Variants in NFYA observed in about 807,000 individuals in gnomAD.
NFYA encodes CAAT-box DNA binding protein subunit A.
In NFYA, 28 loss-of-function variants were observed where a neutral mutation model predicts 52.8. The ratio of observed to expected loss-of-function variants is 0.53; its 90% CI spans 0.39 to 0.73. The LOEUF is 0.73. Ranked by LOEUF, NFYA falls within the 30% of genes least tolerant of loss-of-function variation. The probability of loss-of-function intolerance (pLI) is 0.00; values close to 1 mark genes in which losing one functional copy is unlikely to be tolerated. For synonymous variants in NFYA, 150 were observed against 150.7 expected (o/e 1.00, Z 0.03); for missense variants, 234 against 427.0 (o/e 0.55, Z 3.98).
At position 41,098,036 on chromosome 6, in the gene NFYA, G is replaced by A. The variant is rs1482114030; in HGVS notation, c.*626G>A. ...TCTAGCCAAGAAAAAGCTAATTCTG[G>A]GGATAGAATGATAAAAGACTCAAGC... On this transcript the variant is annotated 3_prime_UTR_variant, in exon 10 of 10. Transcript: ENST00000341376. 1 of 152,690 alleles carries A rather than the reference G, an allele frequency of 6.5e-6. No homozygotes were observed. The highest frequency in any genetic ancestry group is 1.5e-5 in the Non-Finnish European group (1 of 68,084). The allele number at this position is 152,690 out of a possible 1,614,324, so 9.5% of individuals were successfully genotyped here.
intron 3 of NFYA, among the ~76,000 whole-genome samples, chr6:41,082,405 C>T (rs1763934410): frequency 6.6e-6 from 1 of 152,226 alleles, no homozygotes; most frequent in African/African-American, 2.4e-5. Flanking sequence ...GTAACATGCT[C>T]TTAACTGTAT....
At chr6:41,085,047 C>A (rs1451928300) in intron 4 of NFYA, among the ~76,000 whole-genome samples, 1 of 151,502 alleles carries the variant, frequency 6.6e-6, no homozygotes, top group Non-Finnish European at 1.5e-5. Flanking sequence ...TATTTCTCAT[C>A]GAGATGGCAA....
rs1254592473 is a variant in NFYA, at chr6:41,096,619, A to C, written c.991-738A>C. On this transcript the variant is annotated intron_variant, in intron 9 of 9. Coordinates refer to ENST00000341376, the MANE Select transcript of NFYA (RefSeq NM_002505.5). Reference sequence around the variant, plus strand: ...CCAGTTCCAGTCTTCCATCTCCAGAAGGCTTTCAGCTTTTTCTCAGATCCT... The same window carrying C: ...CCAGTTCCAGTCTTCCATCTCCAGACGGCTTTCAGCTTTTTCTCAGATCCT... Among the ~76,000 whole-genome samples, 8 of 152,334 alleles carry C rather than the reference A, an allele frequency of 5.3e-5. No homozygotes were observed. The East Asian group carries it at 1.3e-3, about 26-fold the overall frequency.
rs1446231384 is a variant in NFYA at position 41,097,780 on chromosome 6, A to G, written c.*370A>G. The G allele has an allele frequency of 5.2e-6, 1 of 192,822 alleles. No homozygotes were observed. Among genetic ancestry groups the G allele is most frequent in the East Asian group, 1.4e-4 (1 of 7,288 alleles). 11.9% of individuals were successfully genotyped at this position (192,822 alleles called of 1,614,324 possible). ...AACCTTCTCAACCAAAACTGCAATCAGGAAAGCAGCAGCCCACTCCTTCCC... is the reference window on the plus strand; with the variant it reads ...AACCTTCTCAACCAAAACTGCAATCGGGAAAGCAGCAGCCCACTCCTTCCC... On this transcript the variant is annotated 3_prime_UTR_variant, in exon 10 of 10. Coordinates refer to ENST00000341376, the MANE Select transcript of NFYA (RefSeq NM_002505.5).
intron 8 of NFYA, among the ~76,000 whole-genome samples, chr6:41,094,181 A>G (rs777335832): frequency 6.6e-6 from 1 of 152,186 alleles, no homozygotes; most frequent in Non-Finnish European, 1.5e-5. Flanking sequence ...AATTCATACT[A>G]TAAGCATTCA....
intron 7 of NFYA, 89 bp downstream of exon 7, chr6:41,091,783 G>A (rs1582034782): frequency 6.9e-7 from 1 of 1,452,738 alleles, no homozygotes; most frequent in East Asian, 2.3e-5. Flanking sequence ...TTGACCTCTT[G>A]GGATTGAGAT....
chr6:41,073,239 G>A (rs571283013), intron 1 of NFYA, among the ~76,000 whole-genome samples, 155 bp downstream of exon 1: 1 of 151,274 alleles, frequency 6.6e-6, no homozygotes, highest in African/African-American at 2.4e-5. Flanking sequence ...GCCCCGGCCC[G>A]GGGCCTGCGA....
At chr6:41,079,363 T>G (rs1181846718) in intron 2 of NFYA, among the ~76,000 whole-genome samples, 199 bp downstream of exon 2, 1 of 152,250 alleles carries the variant, frequency 6.6e-6, no homozygotes, top group Non-Finnish European at 1.5e-5. Context: ...CTGGTTATAG[T>G]AAATTGCCTC....
At chr6:41,091,453 A>T in intron 6 of NFYA, 75 bp from the exon 7 acceptor site, 1 of 1,443,396 alleles carries the variant, frequency 6.9e-7, no homozygotes, top group African/African-American at 1.4e-5. Context: ...CAGATAGAAG[A>T]GGGACTAACT....
Position 41,098,713 on chromosome 6 carries a change from T to G in NFYA, c.*1303T>G, listed in dbSNP as rs1325640871. The G allele has an allele frequency of 6.5e-6, 1 of 152,698 alleles. No homozygotes were observed. The highest frequency in any genetic ancestry group is 1.5e-5 in the Non-Finnish European group (1 of 68,076). The allele number at this position is 152,698 out of a possible 1,614,324, so 9.5% of individuals were successfully genotyped here. ...GCTGATTCTTTGGTGCCAGTTTTCA[T>G]GTTTTCTCCATAGGCCTTGTGCAGA... On this transcript the variant is annotated 3_prime_UTR_variant, in exon 10 of 10. Transcript: ENST00000341376.
At chr6:41,089,374 A>G (rs1764137362) in intron 4 of NFYA, among the ~76,000 whole-genome samples, 1 of 152,238 alleles carries the variant, frequency 6.6e-6, no homozygotes, top group Non-Finnish European at 1.5e-5. Flanking sequence ...TGTTAATATC[A>G]GGTATCCAGA....
At chr6:41,076,403 G>C (rs1487866995) in intron 1 of NFYA, among the ~76,000 whole-genome samples, 21 of 152,208 alleles carry the variant, frequency 1.4e-4, no homozygotes, top group Admixed American at 1.0e-3. Flanking sequence ...GGTCAAAAAA[G>C]TTAAAAAGCT....
At chr6:41,084,215 G>T in intron 4 of NFYA, 23 bp downstream of exon 4, 2 of 1,612,290 alleles carry the variant, frequency 1.2e-6, no homozygotes, top group Middle Eastern at 3.3e-4. Flanking sequence ...TAAAAATATT[G>T]AGCAGTATAT....
intron 4 of NFYA, among the ~76,000 whole-genome samples, chr6:41,087,553 A>G (rs1764081312): frequency 6.6e-6 from 1 of 152,224 alleles, no homozygotes; most frequent in Non-Finnish European, 1.5e-5. Context: ...CAATGCTCAA[A>G]TAAAAAAAGT....
intron 9 of NFYA, among the ~76,000 whole-genome samples, 198 bp downstream of exon 9, chr6:41,094,695 C>G (rs1169697744): frequency 6.6e-6 from 1 of 152,102 alleles, no homozygotes; most frequent in African/African-American, 2.4e-5. Context: ...TGCCTGTAAT[C>G]CCAACACTTT....
At chr6:41,096,603 G>A (rs963680919) in intron 9 of NFYA, among the ~76,000 whole-genome samples, 8 of 152,230 alleles carry the variant, frequency 5.3e-5, no homozygotes, top group Non-Finnish European at 1.2e-4. Flanking sequence ...CCCAGTTCCA[G>A]TCTTCCATCT....
intron 7 of NFYA, among the ~76,000 whole-genome samples, chr6:41,092,443 G>C (rs1339671121): frequency 1.3e-5 from 2 of 152,148 alleles, no homozygotes; most frequent in Non-Finnish European, 2.9e-5. Flanking sequence ...AAAGAGCTGT[G>C]GGGTACAGGA....
chr6:41,075,114 C>T (rs1651330052), intron 1 of NFYA, among the ~76,000 whole-genome samples: 2 of 152,174 alleles, frequency 1.3e-5, no homozygotes, highest in East Asian at 1.9e-4. Context: ...TTGATTGTCA[C>T]GTTATCCGCA....
rs1332794452 is a variant in NFYA, at chr6:41,094,445, G to T, written c.938G>T (p.Gly313Val). ...RHRHAMARKR[G>V]EGGRFFSPKE... ...CGTCATGCCATGGCACGGAAGCGTG[G>T]TGAAGGTGGACGATTTTTCTCTCCA... is the stretch of plus-strand genomic sequence containing the variant. The change falls in exon 9 of 10, where the codon GGT (glycine) becomes GTT (valine). Residue 313 changes from glycine (G) to valine (V), a missense_variant. Physicochemically the swap from Gly to Val is moderately radical, Grantham distance 109. Coordinates refer to ENST00000341376, the MANE Select transcript of NFYA (RefSeq NM_002505.5). 6.2e-7 allele frequency: 1 copy of T among 1,614,204 alleles called. No homozygotes were observed. Among genetic ancestry groups the T allele is most frequent in the Non-Finnish European group, 8.5e-7 (1 of 1,180,024 alleles).
Sources: allele counts gnomAD v4.1 joint callset (sites outside exome capture counted in the v4.1 genomes callset), GRCh38; gene constraint gnomAD v4.1.1; transcripts MANE v1.5; gene names NCBI Gene and HGNC (gene_info 2026-07-23, HGNC 2026-07-21).